Variants in PTPRG observed in about 807,000 individuals in gnomAD.
PTPRG encodes the protein receptor-type tyrosine-protein phosphatase gamma.
Under a neutral mutation model 165.3 loss-of-function variants are expected in PTPRG, and 102 were observed. The observed-to-expected ratio is 0.62, with a 90% CI of 0.53 to 0.73. PTPRG has a LOEUF of 0.73. Ranked by LOEUF, PTPRG falls within the 30% of genes least tolerant of loss-of-function variation. The probability of loss-of-function intolerance (pLI) is 0.00; values close to 1 mark genes in which losing one functional copy is unlikely to be tolerated. For synonymous variants in PTPRG, 675 were observed against 669.5 expected (o/e 1.01, Z -0.13); for missense variants, 1,866 against 1,861.4 (o/e 1.00, Z -0.05).
intron 6 of PTPRG, among the ~76,000 whole-genome samples, chr3:62,147,879 G>C (rs542364020): frequency 6.8e-4 from 104 of 152,290 alleles, no homozygotes; most frequent in African/African-American, 2.4e-3. Context: ...TAACAAGCTG[G>C]GCGTGGTGGC....
chr3:61,915,697 G>A (rs971403925), intron 2 of PTPRG, among the ~76,000 whole-genome samples: 5 of 152,050 alleles, frequency 3.3e-5, no homozygotes, highest in African/African-American at 1.2e-4. Flanking sequence ...TTTTTGAGAA[G>A]TCCAGGAAGT....
intron 1 of PTPRG, among the ~76,000 whole-genome samples, chr3:61,621,997 G>A (rs991789960): frequency 2.0e-5 from 3 of 152,156 alleles, no homozygotes; most frequent in African/African-American, 7.2e-5. Flanking sequence ...AGTCCTGAAA[G>A]TATTTCTTGA....
intron 2 of PTPRG, among the ~76,000 whole-genome samples, chr3:61,902,878 G>T (rs2038534543): frequency 6.6e-6 from 1 of 152,074 alleles, no homozygotes; most frequent in African/African-American, 2.4e-5. Context: ...TTGATATCAG[G>T]GATATAATGT....
rs183777699 is a variant in PTPRG, at chr3:62,254,431, C to T, written c.2468-693C>T. ...TTTGGGCTTATGAACTGAAAGTCTCCTTTTGAAGTGACAACACGAAATAAA... is the reference window on the plus strand; with the variant it reads ...TTTGGGCTTATGAACTGAAAGTCTCTTTTTGAAGTGACAACACGAAATAAA... On this transcript the variant is annotated intron_variant, in intron 15 of 29. Coordinates refer to ENST00000474889, the MANE Select transcript of PTPRG (RefSeq NM_002841.4). This position sits in a 1 kb window ranked among gnomAD's most constrained non-coding sequence, Gnocchi z 4.6. Among the ~76,000 whole-genome samples the T allele has an allele frequency of 2.7e-3, 410 of 152,172 alleles. 2 individuals are homozygous for T. Among genetic ancestry groups the T allele is most frequent in the African/African-American group, 9.4e-3 (390 of 41,514 alleles).
chr3:61,643,824 C>CA (rs1243126179), intron 1 of PTPRG, among the ~76,000 whole-genome samples: 4 of 152,080 alleles, frequency 2.6e-5, no homozygotes, highest in South Asian at 2.1e-4. Flanking sequence ...GGACAGTCAG[C>CA]AAATGCTTAT....
chr3:61,721,986 G>A (rs977434497), intron 1 of PTPRG, among the ~76,000 whole-genome samples: 15 of 152,022 alleles, frequency 9.9e-5, no homozygotes, highest in Admixed American at 7.2e-4. Context: ...GTGTTGCATC[G>A]AGACCAGGAG....
intron 2 of PTPRG, among the ~76,000 whole-genome samples, chr3:61,875,487 G>T (rs1302948900): frequency 6.6e-6 from 1 of 152,180 alleles, no homozygotes; most frequent in African/African-American, 2.4e-5. Flanking sequence ...AAGGGAAACT[G>T]GGAAGTGTTT....
chr3:61,772,795 A>G (rs1178653642), intron 2 of PTPRG, among the ~76,000 whole-genome samples: 1 of 152,152 alleles, frequency 6.6e-6, no homozygotes, highest in African/African-American at 2.4e-5. Context: ...ATCTATCCTC[A>G]TGTGCTGGTG....
At chr3:61,855,672 A>T (rs593202) in intron 2 of PTPRG, among the ~76,000 whole-genome samples, 834 of 74,254 alleles carry the variant, frequency 0.011, 7 homozygotes, top group Middle Eastern at 0.045. Context: ...TTTTTTTTTT[A>T]AAAGCAAAGC....
chr3:61,930,786 G>A (rs368777820), intron 2 of PTPRG, among the ~76,000 whole-genome samples: 1 of 152,210 alleles, frequency 6.6e-6, no homozygotes, highest in Non-Finnish European at 1.5e-5. Context: ...GCGGCCAGGC[G>A]CAGTGGCTCA....
At chr3:62,003,550 A>G (rs2041224769) in intron 4 of PTPRG, 53 bp downstream of exon 4, 1 of 1,598,146 alleles carries the variant, frequency 6.3e-7, no homozygotes, top group South Asian at 1.1e-5. Context: ...CTTTATGTTA[A>G]TCAGATGCTG....
At chr3:62,193,682 C>T (rs1403517633) in intron 9 of PTPRG, among the ~76,000 whole-genome samples, 7 of 152,238 alleles carry the variant, frequency 4.6e-5, no homozygotes, top group Admixed American at 3.9e-4. Flanking sequence ...AGTTAAATAA[C>T]ATGGCCCTAG....
chr3:61,645,872 T>C (rs1032561818), intron 1 of PTPRG, among the ~76,000 whole-genome samples: 1 of 152,218 alleles, frequency 6.6e-6, no homozygotes, highest in African/African-American at 2.4e-5. Flanking sequence ...TCCTGGGAGC[T>C]GAGCTACCCA....
chr3:61,817,421 G>T (rs2035820164), intron 2 of PTPRG, among the ~76,000 whole-genome samples: 1 of 151,382 alleles, frequency 6.6e-6, no homozygotes, highest in Non-Finnish European at 1.5e-5. Flanking sequence ...GTTGATTGTT[G>T]TTGGCTTTAG....
chr3:61,884,142 GT>G (rs2037965376), intron 2 of PTPRG, among the ~76,000 whole-genome samples: 1 of 152,080 alleles, frequency 6.6e-6, no homozygotes, highest in Non-Finnish European at 1.5e-5. Flanking sequence ...TGTTTTGGGA[GT>G]TTTACATTTT....
chr3:61,823,769 G>A (rs2036025234), intron 2 of PTPRG, among the ~76,000 whole-genome samples: 3 of 152,182 alleles, frequency 2.0e-5, no homozygotes, highest in Admixed American at 6.5e-5. Context: ...GGACAACGGA[G>A]AAATGCCTTC....
chr3:62,275,294 A>C (rs1046226110), intron 23 of PTPRG, among the ~76,000 whole-genome samples: 1 of 152,228 alleles, frequency 6.6e-6, no homozygotes, highest in Non-Finnish European at 1.5e-5. Flanking sequence ...ATTAGCTCGT[A>C]ATCAATAGCA....
intron 7 of PTPRG, among the ~76,000 whole-genome samples, chr3:62,164,566 C>T (rs1285398634): frequency 6.6e-6 from 1 of 152,146 alleles, no homozygotes; most frequent in East Asian, 1.9e-4. Context: ...ATCCAGTTGA[C>T]AATATAATAT....
intron 5 of PTPRG, among the ~76,000 whole-genome samples, chr3:62,117,571 G>A (rs1023645052): frequency 6.6e-6 from 1 of 151,982 alleles, no homozygotes; most frequent in African/African-American, 2.4e-5. Context: ...AAGCCTCCCC[G>A]GTTGGTAACA....
Sources: allele counts gnomAD v4.1 joint callset (sites outside exome capture counted in the v4.1 genomes callset), GRCh38; gene constraint gnomAD v4.1.1; non-coding constraint Gnocchi (gnomAD v3.1); transcripts MANE v1.5; gene names NCBI Gene and HGNC (gene_info 2026-07-23, HGNC 2026-07-21).